PDE1C: variants seen among roughly 807,000 people sequenced by gnomAD.
The protein encoded by PDE1C is phosphodiesterase 1C.
PDE1C carries 62 observed loss-of-function variants against 93.1 expected under a neutral mutation model. The observed-to-expected ratio is 0.67, with a 90% CI of 0.54 to 0.82. The LOEUF is 0.82. Ranked by LOEUF, PDE1C falls within the 40% of genes least tolerant of loss-of-function variation. The pLI is 0.00. For synonymous variants in PDE1C, 325 were observed against 310.1 expected (o/e 1.05, Z -0.50); for missense variants, 742 against 884.6 (o/e 0.84, Z 2.04).
intron 1 of PDE1C, among the ~76,000 whole-genome samples, chr7:32,366,759 G>C (rs1185294993): frequency 6.6e-6 from 1 of 151,748 alleles, no homozygotes. Context: ...AGAACAGGAT[G>C]ATATATTCAA....
At chr7:31,732,008 G>A in the PDE1C span, among the ~76,000 whole-genome samples, 1 of 152,226 alleles carries the variant, frequency 6.6e-6, no homozygotes, top group Non-Finnish European at 1.5e-5. Flanking sequence ...TATCAACCCA[G>A]ATGGATTGCT....
chr7:31,886,442 CA>C (rs1797885509), intron 2 of PDE1C, among the ~76,000 whole-genome samples: 1 of 152,172 alleles, frequency 6.6e-6, no homozygotes, highest in South Asian at 2.1e-4. Context: ...ACTTGAAAAA[CA>C]TTCAACATTG....
intron 7 of PDE1C, among the ~76,000 whole-genome samples, chr7:31,857,807 T>G (rs887125044): frequency 1.1e-4 from 17 of 152,190 alleles, no homozygotes; most frequent in African/African-American, 4.1e-4. Context: ...TTAAAAGAGA[T>G]AATTCTGTTT....
the PDE1C span, among the ~76,000 whole-genome samples, chr7:31,656,849 A>T: frequency 3.3e-5 from 5 of 151,134 alleles, no homozygotes; most frequent in Non-Finnish European, 7.4e-5. Flanking sequence ...AATTCTCCAA[A>T]AAAGAGCATA....
intron 2 of PDE1C, among the ~76,000 whole-genome samples, chr7:32,024,225 G>C (rs1789100367): frequency 6.6e-6 from 1 of 151,870 alleles, no homozygotes; most frequent in Non-Finnish European, 1.5e-5. Context: ...GGAGGAAGGT[G>C]TATAACCATC....
intron 1 of PDE1C, among the ~76,000 whole-genome samples, chr7:32,394,785 G>C (rs937934568): frequency 6.6e-6 from 1 of 152,136 alleles, no homozygotes; most frequent in African/African-American, 2.4e-5. Flanking sequence ...CTGCACTCCA[G>C]CCTGGGTGAC....
At chr7:31,747,995 G>A (rs1239338314), downstream of PDE1C, among the ~76,000 whole-genome samples, 8 of 141,244 alleles carry the variant, frequency 5.7e-5, no homozygotes, top group East Asian at 4.1e-4. Context: ...GTGGCCTTTC[G>A]TCAGTCTTAC....
chr7:31,819,256 AT>A (rs1370224102), intron 14 of PDE1C, among the ~76,000 whole-genome samples: 2 of 152,156 alleles, frequency 1.3e-5, no homozygotes, highest in Non-Finnish European at 2.9e-5. Flanking sequence ...ACAACTCAAA[AT>A]TTGTAGACTG....
At chr7:32,212,359 C>G (rs1164844455) in intron 1 of PDE1C, among the ~76,000 whole-genome samples, 1 of 152,128 alleles carries the variant, frequency 6.6e-6, no homozygotes, top group Non-Finnish European at 1.5e-5. Flanking sequence ...CCAAGTCACG[C>G]CAGGAAAGGC....
rs369229974 is a variant in PDE1C, at chr7:32,052,857, T to C, written c.102-1277A>G. On this transcript the variant is annotated intron_variant, in intron 1 of 17. Coordinates refer to ENST00000396191, the MANE Select transcript of PDE1C (RefSeq NM_001191057.4). ...AGGAGACACACCAGAATGACAACCA[T>C]GACTCCAGGGTAGTAGGATGACAAA... 1.2e-4 allele frequency among the ~76,000 whole-genome samples: 19 copies of C among 152,320 alleles called. No homozygotes were observed. In the East Asian group the frequency reaches 3.5e-3, roughly 28 times the overall value.
chr7:31,737,484 T>C, the PDE1C span, among the ~76,000 whole-genome samples: 1 of 152,120 alleles, frequency 6.6e-6, no homozygotes, highest in Non-Finnish European at 1.5e-5. Context: ...ACATTGCCTC[T>C]ACTCCAAGAT....
chr7:32,071,220 G>C, upstream of PDE1C: 2 of 985,432 alleles, frequency 2.0e-6, no homozygotes, highest in Non-Finnish European at 2.4e-6. Flanking sequence ...ACAAGAGCTC[G>C]GCTCCGCGCG....
At chr7:32,209,319 G>A (rs1805839713) in intron 2 of PDE1C, among the ~76,000 whole-genome samples, 1 of 152,186 alleles carries the variant, frequency 6.6e-6, no homozygotes, top group African/African-American at 2.4e-5. Context: ...CAGTAGCAAT[G>A]AGTAGCTCAC....
In PDE1C at chr7:31,797,993, C is replaced by G. The variant is rs116967169; in HGVS notation, c.1891+11038G>C. On this transcript the variant is annotated intron_variant, in intron 16 of 17. Coordinates refer to ENST00000396191, the MANE Select transcript of PDE1C (RefSeq NM_001191057.4). ...CCCATATCCACTCTTCTTGGCAGCT[C>G]CGTCCCAATGATAGAAACAGATTTC... Among the ~76,000 whole-genome samples the G allele has an allele frequency of 5.7e-3, 870 of 151,762 alleles. 1 individual carries two copies. The highest frequency in any genetic ancestry group is 9.1e-3 in the Non-Finnish European group (616 of 67,770).
chr7:32,039,221 T>C (rs552147475), intron 2 of PDE1C, among the ~76,000 whole-genome samples: 1 of 152,056 alleles, frequency 6.6e-6, no homozygotes, highest in Non-Finnish European at 1.5e-5. Flanking sequence ...CATGAGTGAG[T>C]AGGGGTGATC....
At chr7:32,081,327 G>A (rs1796650551) in intron 3 of PDE1C, among the ~76,000 whole-genome samples, 1 of 152,342 alleles carries the variant, frequency 6.6e-6, no homozygotes, top group South Asian at 2.1e-4. Context: ...AGAGCCAACA[G>A]AGACTTCTGA....
intron 2 of PDE1C, among the ~76,000 whole-genome samples, chr7:31,916,819 T>C (rs1399773919): frequency 6.6e-6 from 1 of 152,290 alleles, no homozygotes; most frequent in South Asian, 2.1e-4. Context: ...TCAGATCACC[T>C]ATCATGACAG....
chr7:32,183,493 G>T (rs914137362), intron 2 of PDE1C, among the ~76,000 whole-genome samples: 3 of 152,104 alleles, frequency 2.0e-5, no homozygotes, highest in Non-Finnish European at 2.9e-5. Context: ...CAGAAATAAT[G>T]CCGCATATCT....
intron 2 of PDE1C, among the ~76,000 whole-genome samples, chr7:32,012,615 G>T (rs1269127877): frequency 6.6e-6 from 1 of 152,150 alleles, no homozygotes; most frequent in Non-Finnish European, 1.5e-5. Context: ...TAGGCATATG[G>T]GGGAGAGGGA....
Sources: gnomAD v4.1 joint callset for allele counts (sites outside exome capture counted in the v4.1 genomes callset) on GRCh38, gnomAD v4.1.1 for gene constraint, MANE v1.5 for transcripts, NCBI Gene and HGNC (gene_info 2026-07-23, HGNC 2026-07-21) for gene names.